Variants in GTPBP10 observed in about 807,000 individuals in gnomAD.
GTPBP10 encodes the protein GTP binding protein 10.
Under a neutral mutation model 44.8 loss-of-function variants are expected in GTPBP10, and 38 were observed. The ratio of observed to expected loss-of-function variants is 0.85; its 90% CI spans 0.65 to 1.11. The LOEUF (loss-of-function observed/expected upper bound fraction) is 1.11, where lower values mean the gene tolerates loss of function less well. GTPBP10 is among the 50% of genes most tolerant of loss of function. The pLI, the probability that GTPBP10 is intolerant of heterozygous loss-of-function variation, is 0.00. For synonymous variants in GTPBP10, 152 were observed against 150.6 expected (o/e 1.01, Z -0.07); for missense variants, 462 against 453.7 (o/e 1.02, Z -0.17).
chr7:90,346,838 C>G (rs1302639142), intron 1 of GTPBP10, 64 bp downstream of exon 1: 1 of 1,548,602 alleles, frequency 6.5e-7, no homozygotes, highest in Non-Finnish European at 8.9e-7. Context: ...TCTTTGCTCC[C>G]CTGTCTCTCC....
At chr7:90,374,248 G>A (rs1038390473) in intron 5 of GTPBP10, 54 bp from the exon 6 acceptor site, 26 of 1,182,914 alleles carry the variant, frequency 2.2e-5, no homozygotes, top group Admixed American at 6.9e-5. Flanking sequence ...AGTTTTGAGA[G>A]TACCAGCCCT....
rs184670480 is a variant in GTPBP10, at chr7:90,351,948, G to A, written c.34-868G>A. On this transcript the variant is annotated intron_variant, in intron 1 of 9. Transcript: ENST00000222511. ...CCTGAACTCGTGATCCGCCCACCTTGGCCTCCCAGAGTGCTGGGATTACAG... is the reference window on the plus strand; with the variant it reads ...CCTGAACTCGTGATCCGCCCACCTTAGCCTCCCAGAGTGCTGGGATTACAG... 2.6e-5 allele frequency among the ~76,000 whole-genome samples: 4 copies of A among 152,200 alleles called. No homozygotes were observed. The East Asian group carries it at 7.7e-4, about 29-fold the overall frequency.
At position 90,388,243 on chromosome 7, in the gene GTPBP10, C is replaced by A. The variant is rs986877502; in HGVS notation, c.*3089C>A. ...AACAAAGACTTATTTTGAAGTAAGTCTTTTAACATTATCTCAGATGCATTT... is the reference window on the plus strand; with the variant it reads ...AACAAAGACTTATTTTGAAGTAAGTATTTTAACATTATCTCAGATGCATTT... On this transcript the variant is annotated 3_prime_UTR_variant, in exon 10 of 10. Coordinates refer to ENST00000222511, the MANE Select transcript of GTPBP10 (RefSeq NM_033107.4). The A allele has an allele frequency of 4.6e-5, 7 of 152,200 alleles. No individual in the cohort carries two copies. The East Asian group carries it at 1.4e-3, about 29-fold the overall frequency. 9.4% of individuals were successfully genotyped at this position (152,200 alleles called of 1,614,324 possible). A position where few individuals can be genotyped will look rare whatever the true frequency, so the allele number is the denominator to read the frequency against.
chr7:90,346,807 A>G, intron 1 of GTPBP10, 33 bp downstream of exon 1: 1 of 1,605,162 alleles, frequency 6.2e-7, no homozygotes, highest in Non-Finnish European at 8.5e-7. Flanking sequence ...TGGTCCCCTT[A>G]GCGCTGACAG....
At chr7:90,374,396 G>A in intron 6 of GTPBP10, 42 bp downstream of exon 6, 2 of 1,331,338 alleles carry the variant, frequency 1.5e-6, no homozygotes, top group Non-Finnish European at 2.2e-6. Flanking sequence ...GAAGTCAAAA[G>A]TACTTGGTTT....
intron 1 of GTPBP10, among the ~76,000 whole-genome samples, chr7:90,348,262 T>G (rs771828084): frequency 3.3e-5 from 5 of 152,124 alleles, no homozygotes; most frequent in Admixed American, 6.6e-5. Context: ...TTTAGTAGCT[T>G]TGGATATACA....
At chr7:90,373,448 A>C (rs183333050) in intron 5 of GTPBP10, among the ~76,000 whole-genome samples, 1 of 152,250 alleles carries the variant, frequency 6.6e-6, no homozygotes, top group East Asian at 1.9e-4. Context: ...AAAAGGACAC[A>C]GAATGCCATT....
chr7:90,354,145 A>G (rs1795847803), intron 2 of GTPBP10, among the ~76,000 whole-genome samples: 1 of 151,966 alleles, frequency 6.6e-6, no homozygotes, highest in African/African-American at 2.4e-5. Flanking sequence ...TTTCTACCCT[A>G]TTTGTATTGT....
chr7:90,373,220 A>G (rs1206756397), intron 5 of GTPBP10, among the ~76,000 whole-genome samples: 1 of 152,138 alleles, frequency 6.6e-6, no homozygotes, highest in Non-Finnish European at 1.5e-5. Flanking sequence ...GCTGTATTTG[A>G]TTTTTATATC....
At chr7:90,379,400 T>G (rs1384259033) in intron 8 of GTPBP10, among the ~76,000 whole-genome samples, 1 of 152,154 alleles carries the variant, frequency 6.6e-6, no homozygotes, top group Non-Finnish European at 1.5e-5. Flanking sequence ...AACACTTTGA[T>G]AGACCCCCAT....
chr7:90,346,857 C>A, intron 1 of GTPBP10, 83 bp downstream of exon 1: 1 of 1,453,146 alleles, frequency 6.9e-7, no homozygotes, highest in Non-Finnish European at 9.6e-7. Context: ...CCACTACTGT[C>A]TTCGTGGCGG....
At chr7:90,361,982 T>C (rs1796031410) in intron 4 of GTPBP10, among the ~76,000 whole-genome samples, 1 of 152,232 alleles carries the variant, frequency 6.6e-6, no homozygotes, top group Non-Finnish European at 1.5e-5. Flanking sequence ...TGATATCCCC[T>C]TTATAACTTT....
At chr7:90,365,789 T>A (rs1796123011) in intron 4 of GTPBP10, among the ~76,000 whole-genome samples, 1 of 152,232 alleles carries the variant, frequency 6.6e-6, no homozygotes. Context: ...TGGCCAAAAC[T>A]TCCAACACTG....
intron 2 of GTPBP10, 118 bp from the exon 3 acceptor site, chr7:90,354,340 A>G: frequency 2.2e-6 from 1 of 451,902 alleles, no homozygotes; most frequent in Non-Finnish European, 3.9e-6. Context: ...ACCATTTAAC[A>G]TCTGCGTTAA....
intron 4 of GTPBP10, among the ~76,000 whole-genome samples, chr7:90,360,535 T>G (rs1257339641): frequency 6.6e-6 from 1 of 152,230 alleles, no homozygotes; most frequent in African/African-American, 2.4e-5. Flanking sequence ...CTGTTTTGGT[T>G]ACTGTAGCCT....
intron 4 of GTPBP10, among the ~76,000 whole-genome samples, chr7:90,362,262 G>A (rs1211278556): frequency 6.6e-6 from 1 of 151,716 alleles, no homozygotes. Context: ...TTTCTCTTGT[G>A]GGCATTTAGT....
At chr7:90,354,594 TC>T in intron 3 of GTPBP10, 45 bp downstream of exon 3, 2 of 995,568 alleles carry the variant, frequency 2.0e-6, no homozygotes, top group Non-Finnish European at 3.0e-6. Context: ...GTGCACGTTT[TC>T]TAAAATGAAA....
At chr7:90,383,222 T>C in intron 9 of GTPBP10, 143 bp downstream of exon 9, 1 of 483,590 alleles carries the variant, frequency 2.1e-6, no homozygotes, top group Non-Finnish European at 3.4e-6. Flanking sequence ...GTAAATAACA[T>C]TGTAACATAA....
chr7:90,358,534 A>G (rs1008539969), intron 4 of GTPBP10, among the ~76,000 whole-genome samples: 2 of 152,234 alleles, frequency 1.3e-5, no homozygotes, highest in Non-Finnish European at 2.9e-5. Flanking sequence ...TACCCTATTC[A>G]AAAAATGATG....
Sources: allele counts gnomAD v4.1 joint callset (sites outside exome capture counted in the v4.1 genomes callset), GRCh38; gene constraint gnomAD v4.1.1; transcripts MANE v1.5; gene names NCBI Gene and HGNC (gene_info 2026-07-23, HGNC 2026-07-21).